The following TEX11 variants were observed in gnomAD, a reference collection of about 807,000 sequenced individuals.
TEX11 encodes the protein testis-expressed protein 11.
In TEX11, 7 loss-of-function variants were observed where a neutral mutation model predicts 84.4. The ratio of observed to expected loss-of-function variants is 0.08; its 90% CI spans 0.05 to 0.16. The LOEUF (loss-of-function observed/expected upper bound fraction) is 0.16, where lower values mean the gene tolerates loss of function less well. TEX11 is among the 10% of genes least tolerant of loss of function. The probability of loss-of-function intolerance (pLI) is 1.00; values close to 1 mark genes in which losing one functional copy is unlikely to be tolerated. For synonymous variants in TEX11, 264 were observed against 222.8 expected, an observed-to-expected ratio of 1.18 and a Z score of -1.64; for missense variants, 551 against 660.5, an observed-to-expected ratio of 0.83 and a Z score of 1.82.
the TEX11 span, among the ~76,000 whole-genome samples, chrX:70,514,642 C>T: frequency 5.1e-4 from 55 of 108,337 alleles, no homozygotes; most frequent in African/African-American, 1.8e-3. Context: ...TATAGTGTAA[C>T]ATACCACTGC....
intron 13 of TEX11, among the ~76,000 whole-genome samples, chrX:70,693,239 C>T (rs769725874): frequency 4.3e-4 from 47 of 110,162 alleles, no homozygotes; most frequent in Middle Eastern, 4.6e-3. Context: ...AAAACTCCAT[C>T]TCAAAAAAAA....
At chrX:70,795,569 G>T (rs965250746) in intron 9 of TEX11, among the ~76,000 whole-genome samples, 8 of 112,032 alleles carry the variant, frequency 7.1e-5, no homozygotes, top group African/African-American at 2.6e-4. Context: ...AGACACAGCA[G>T]TCCCAGGGGT....
At chrX:70,866,266 C>A (rs758599890) in intron 4 of TEX11, among the ~76,000 whole-genome samples, 1 of 110,991 alleles carries the variant, frequency 9.0e-6, no homozygotes, top group African/African-American at 3.3e-5. Context: ...AACACCTATA[C>A]ACAAATAAAC....
intron 8 of TEX11, among the ~76,000 whole-genome samples, chrX:70,812,832 A>G (rs1392820877): frequency 8.9e-6 from 1 of 111,806 alleles, no homozygotes. Flanking sequence ...TACGCAAATA[A>G]ACTAGAAAAT....
At chrX:70,699,464 A>T (rs1443486653) in intron 13 of TEX11, among the ~76,000 whole-genome samples, 2 of 111,847 alleles carry the variant, frequency 1.8e-5, no homozygotes, top group African/African-American at 6.5e-5. Context: ...CAGAGTGGAG[A>T]CACCCGCGGC....
intron 15 of TEX11, among the ~76,000 whole-genome samples, chrX:70,671,766 T>C (rs1383277531): frequency 9.3e-6 from 1 of 107,560 alleles, no homozygotes; most frequent in Non-Finnish European, 1.9e-5. Context: ...TTCCCTTTTT[T>C]CTCTTCACAT....
chrX:70,778,662 T>C (rs1382949163), intron 9 of TEX11, among the ~76,000 whole-genome samples: 1 of 111,134 alleles, frequency 9.0e-6, no homozygotes, highest in East Asian at 2.8e-4. Flanking sequence ...TTTTGTTTGT[T>C]TGTTTGTTTT....
At chrX:70,651,010 A>T (rs2089804274) in intron 17 of TEX11, among the ~76,000 whole-genome samples, 1 of 112,022 alleles carries the variant, frequency 8.9e-6, no homozygotes, top group Admixed American at 9.5e-5. Context: ...CTCCATCTCA[A>T]GGCCAAATCT....
intron 9 of TEX11, among the ~76,000 whole-genome samples, chrX:70,748,218 C>T (rs1050173666): frequency 1.8e-5 from 2 of 110,934 alleles, no homozygotes; most frequent in Non-Finnish European, 3.8e-5. Flanking sequence ...AAACAATAAT[C>T]GACACATCCA....
chrX:70,542,165 T>C lies in TEX11; in HGVS notation c.2520+9961A>G, dbSNP rs184873377. On this transcript the variant is annotated intron_variant, in intron 28 of 29. Transcript: ENST00000374333. ...GTGATGATATTAGGAGGTGGGGCTG[T>C]TGGGAGGTGATAAGGTCATAAGAGG... Among the ~76,000 whole-genome samples the C allele has an allele frequency of 1.0e-3, 115 of 111,055 alleles. 1 individual carries two copies. The highest frequency in any genetic ancestry group is 1.6e-3 in the Non-Finnish European group (84 of 52,973).
intron 9 of TEX11, among the ~76,000 whole-genome samples, chrX:70,762,143 T>C (rs770884531): frequency 8.7e-4 from 97 of 112,071 alleles, no homozygotes; most frequent in Non-Finnish European, 1.6e-3. Flanking sequence ...AGACCTGTCC[T>C]GCAAGAAATG....
chrX:70,609,652 C>A (rs1430530881), intron 21 of TEX11, among the ~76,000 whole-genome samples: 2 of 112,084 alleles, frequency 1.8e-5, no homozygotes, highest in African/African-American at 6.5e-5. Flanking sequence ...AAGTTTTTCT[C>A]TTTTGAAAAG....
chrX:70,803,178 C>T (rs2091199181), intron 9 of TEX11, among the ~76,000 whole-genome samples: 1 of 111,952 alleles, frequency 8.9e-6, no homozygotes, highest in Admixed American at 9.5e-5. Flanking sequence ...ATATTATTTC[C>T]AAACCTTGCA....
chrX:70,707,975 T>C (rs1299440316), intron 13 of TEX11, among the ~76,000 whole-genome samples: 1 of 110,219 alleles, frequency 9.1e-6, no homozygotes, highest in African/African-American at 3.3e-5. Flanking sequence ...AAAAAATCTA[T>C]CAAAAGAATA....
intron 28 of TEX11, among the ~76,000 whole-genome samples, chrX:70,549,026 G>A (rs1457725024): frequency 1.8e-5 from 2 of 111,476 alleles, no homozygotes; most frequent in Non-Finnish European, 3.8e-5. Context: ...GAGGAGAGGA[G>A]AGGGAAGCTT....
intron 13 of TEX11, among the ~76,000 whole-genome samples, chrX:70,710,984 T>C (rs1395024313): frequency 9.4e-6 from 1 of 106,716 alleles, no homozygotes; most frequent in Non-Finnish European, 1.9e-5. Context: ...TTCCTCTTCC[T>C]GTGTCCATGT....
At chrX:70,520,410 T>A in the TEX11 span, among the ~76,000 whole-genome samples, 1 of 112,283 alleles carries the variant, frequency 8.9e-6, no homozygotes, top group African/African-American at 3.2e-5. Flanking sequence ...TTGCTGGAGG[T>A]CCACTCCAGA....
intron 25 of TEX11, among the ~76,000 whole-genome samples, chrX:70,563,940 G>A (rs892858597): frequency 8.9e-6 from 1 of 112,132 alleles, no homozygotes; most frequent in African/African-American, 3.2e-5. Context: ...TTAAGATACT[G>A]GCCTGATGCC....
intron 25 of TEX11, among the ~76,000 whole-genome samples, chrX:70,575,374 A>G (rs2088659574): frequency 1.8e-5 from 2 of 111,907 alleles, no homozygotes. Flanking sequence ...GGCCAATGTG[A>G]TAGGATAAGA....
Sources: gnomAD v4.1 joint callset for allele counts (sites outside exome capture counted in the v4.1 genomes callset) on GRCh38, gnomAD v4.1.1 for gene constraint, MANE v1.5 for transcripts, NCBI Gene and HGNC (gene_info 2026-07-23, HGNC 2026-07-21) for gene names.